The following VAMP4 variants were observed in gnomAD, a reference collection of about 807,000 sequenced individuals.
VAMP4 encodes the protein vesicle-associated membrane protein 4.
A neutral mutation model predicts 23.5 loss-of-function variants in VAMP4; 19 were observed. The observed-to-expected ratio is 0.81, with a 90% CI of 0.56 to 1.19. VAMP4 has a LOEUF of 1.19. Ranked by LOEUF, VAMP4 falls within the 50% of genes most tolerant of loss-of-function variation. VAMP4 has a pLI of 0.00. For synonymous variants in VAMP4, 31 were observed against 51.0 expected, an observed-to-expected ratio of 0.61 and a Z score of 1.67; for missense variants, 145 against 168.6, an observed-to-expected ratio of 0.86 and a Z score of 0.78.
intron 2 of VAMP4, among the ~76,000 whole-genome samples, chr1:171,736,541 A>G (rs189754945): frequency 5.7e-4 from 87 of 152,322 alleles, no homozygotes; most frequent in East Asian, 3.3e-3. Flanking sequence ...TATGGCAAAG[A>G]AGGAGTAACT....
intron 1 of VAMP4, 144 bp from the exon 2 acceptor site, chr1:171,738,607 A>C: frequency 1.7e-6 from 1 of 582,470 alleles, no homozygotes; most frequent in Non-Finnish European, 3.0e-6. Context: ...GTTCCACTCC[A>C]GTGACTGGGG....
intron 4 of VAMP4, among the ~76,000 whole-genome samples, chr1:171,715,469 C>T (rs1654998461): frequency 6.6e-6 from 1 of 152,172 alleles, no homozygotes; most frequent in African/African-American, 2.4e-5. Context: ...CCTGGGTTTG[C>T]AATACAACTT....
chr1:171,733,347 T>C (rs1399666782), intron 2 of VAMP4, among the ~76,000 whole-genome samples: 3 of 139,536 alleles, frequency 2.1e-5, no homozygotes, highest in African/African-American at 2.7e-5. Flanking sequence ...ATGCCTGTAA[T>C]ACCAGCTACT....
intron 4 of VAMP4, among the ~76,000 whole-genome samples, chr1:171,718,341 T>C (rs1054055521): frequency 2.6e-5 from 4 of 152,154 alleles, no homozygotes. Context: ...CTTAGGGTAG[T>C]GACTATTATC....
intron 3 of VAMP4, among the ~76,000 whole-genome samples, chr1:171,722,369 C>T (rs1655223636): frequency 6.6e-6 from 1 of 152,080 alleles, no homozygotes; most frequent in African/African-American, 2.4e-5. Flanking sequence ...AATAAAACAC[C>T]AAAAGCAATG....
chr1:171,707,677 T>C (rs1654702181), intron 6 of VAMP4, among the ~76,000 whole-genome samples: 1 of 152,136 alleles, frequency 6.6e-6, no homozygotes, highest in South Asian at 2.1e-4. Context: ...CTGTAAATGG[T>C]GTTTGTTACA....
At chr1:171,737,551 G>C (rs1655783592) in intron 2 of VAMP4, among the ~76,000 whole-genome samples, 1 of 152,108 alleles carries the variant, frequency 6.6e-6, no homozygotes, top group African/African-American at 2.4e-5. Flanking sequence ...AAATCTAAAA[G>C]CTTCTGAAAA....
At chr1:171,732,191 C>T (rs1330848116) in intron 2 of VAMP4, among the ~76,000 whole-genome samples, 1 of 151,936 alleles carries the variant, frequency 6.6e-6, no homozygotes, top group Non-Finnish European at 1.5e-5. Flanking sequence ...AAGTCATATT[C>T]TCTGACCATA....
At chr1:171,717,731 G>A (rs189485759) in intron 4 of VAMP4, among the ~76,000 whole-genome samples, 4 of 152,134 alleles carry the variant, frequency 2.6e-5, no homozygotes, top group Non-Finnish European at 5.9e-5. Flanking sequence ...GATTACAGGC[G>A]TGAAACACTG....
chr1:171,727,058 C>T (rs1159221690), intron 3 of VAMP4, among the ~76,000 whole-genome samples: 1 of 151,622 alleles, frequency 6.6e-6, no homozygotes, highest in African/African-American at 2.4e-5. Flanking sequence ...AAAGTGAGAC[C>T]TCATCTCTGC....
At chr1:171,713,299 T>C (rs1654912186) in intron 4 of VAMP4, among the ~76,000 whole-genome samples, 1 of 152,096 alleles carries the variant, frequency 6.6e-6, no homozygotes, top group African/African-American at 2.4e-5. Flanking sequence ...CTTTTTTTTT[T>C]TGTCATATGC....
chr1:171,723,098 C>G (rs1232704838), intron 3 of VAMP4, among the ~76,000 whole-genome samples: 1 of 152,046 alleles, frequency 6.6e-6, no homozygotes, highest in Non-Finnish European at 1.5e-5. Flanking sequence ...CGCCGCAAAA[C>G]CAGCAAGATT....
intron 5 of VAMP4, 127 bp from the exon 6 acceptor site, chr1:171,709,871 A>G: frequency 1.4e-6 from 1 of 696,926 alleles, no homozygotes; most frequent in South Asian, 1.9e-5. Flanking sequence ...GCATGAAAAC[A>G]GCATTCTCCC....
chr1:171,728,642 A>C lies in VAMP4; in HGVS notation c.67-72T>G, dbSNP rs545449262. ...ATAAAATGTCACAGAGGAGTAATGAAATAAGTCCTATACTAGTGAAATTTC... is the reference window on the plus strand; with the variant it reads ...ATAAAATGTCACAGAGGAGTAATGACATAAGTCCTATACTAGTGAAATTTC... On this transcript the variant is annotated intron_variant, in intron 2 of 7. Coordinates refer to ENST00000236192, the MANE Select transcript of VAMP4 (RefSeq NM_003762.5). 24 of 1,431,376 alleles carry C rather than the reference A, an allele frequency of 1.7e-5. No individual in the cohort carries two copies. In the African/African-American group the frequency reaches 2.9e-4, roughly 17 times the overall value. 88.7% of individuals were successfully genotyped at this position (1,431,376 alleles called of 1,614,324 possible).
At chr1:171,733,294 CAAAAAAAA>C (rs35176644) in intron 2 of VAMP4, among the ~76,000 whole-genome samples, 1 of 58,112 alleles carries the variant, frequency 1.7e-5, no homozygotes, top group African/African-American at 7.4e-5. Flanking sequence ...CCCATCTCTA[CAAAAAAAA>C]AAAAAAAAAA....
chr1:171,710,444 C>T (rs1437376099), intron 5 of VAMP4, among the ~76,000 whole-genome samples: 3 of 151,810 alleles, frequency 2.0e-5, no homozygotes, highest in Admixed American at 6.6e-5. Flanking sequence ...CAAAGTTCAT[C>T]AATATCACAG....
intron 3 of VAMP4, among the ~76,000 whole-genome samples, chr1:171,725,100 C>T (rs866159403): frequency 2.6e-5 from 4 of 152,158 alleles, no homozygotes; most frequent in African/African-American, 9.7e-5. Context: ...TCCTCAAAAG[C>T]CCTGGCAAAC....
intron 2 of VAMP4, among the ~76,000 whole-genome samples, chr1:171,735,529 G>C (rs186457762): frequency 2.8e-4 from 43 of 152,282 alleles, no homozygotes; most frequent in Admixed American, 1.8e-3. Flanking sequence ...GTATTTACCT[G>C]ACATATCTCA....
intron 3 of VAMP4, among the ~76,000 whole-genome samples, chr1:171,722,939 C>T (rs559270071): frequency 6.6e-5 from 10 of 152,172 alleles, no homozygotes; most frequent in East Asian, 3.9e-4. Context: ...AGGGAACCAC[C>T]CCCGATAATT....
Sources: gnomAD v4.1 joint callset for allele counts (sites outside exome capture counted in the v4.1 genomes callset) on GRCh38, gnomAD v4.1.1 for gene constraint, MANE v1.5 for transcripts, NCBI Gene and HGNC (gene_info 2026-07-23, HGNC 2026-07-21) for gene names.